TBC1D1: variants seen among roughly 807,000 people sequenced by gnomAD.
TBC1D1 encodes the protein TBC1 (tre-2/USP6, BUB2, cdc16) domain family, member 1.
TBC1D1 carries 89 observed loss-of-function variants against 125.6 expected under a neutral mutation model. The ratio of observed to expected loss-of-function variants is 0.71; its 90% CI spans 0.60 to 0.85. The LOEUF is 0.85. Among genes scored for constraint, TBC1D1 ranks in the 40% least tolerant of loss-of-function variants. The pLI, the probability that TBC1D1 is intolerant of heterozygous loss-of-function variation, is 0.00. For missense variants in TBC1D1, 1,377 were observed against 1,469.2 expected (o/e 0.94, Z 1.03); for synonymous variants, 565 against 564.1 (o/e 1.00, Z -0.02).
intron 2 of TBC1D1, among the ~76,000 whole-genome samples, chr4:37,922,805 T>G (rs1164235754): frequency 1.3e-5 from 2 of 152,106 alleles, no homozygotes. Context: ...CCTCAATGAT[T>G]GGTTTGGGGG....
chr4:37,971,305 G>A (rs1731967561), intron 2 of TBC1D1, among the ~76,000 whole-genome samples: 1 of 152,156 alleles, frequency 6.6e-6, no homozygotes, highest in South Asian at 2.1e-4. Flanking sequence ...AATTATAAAG[G>A]AAAGCGGTTT....
intron 18 of TBC1D1, among the ~76,000 whole-genome samples, chr4:38,131,608 G>A (rs538107263): frequency 6.6e-6 from 1 of 152,306 alleles, no homozygotes; most frequent in East Asian, 1.9e-4. Flanking sequence ...TGCCCCAGGT[G>A]GGAGGCCAGG....
At position 38,063,121 on chromosome 4, in the gene TBC1D1, T is replaced by C. The variant is rs370410879; in HGVS notation, c.2050+8783T>C. Among the ~76,000 whole-genome samples the C allele has an allele frequency of 1.9e-3, 295 of 152,296 alleles. 14 individuals are homozygous for C. In the South Asian group the frequency reaches 0.055, roughly 28 times the overall value. ...AATTTTAACCTATACCAGGGAGCCA[T>C]TGAAGAGTTTAAAGCAAGTGAATGA... On this transcript the variant is annotated intron_variant, in intron 12 of 19. Transcript: ENST00000261439.
intron 2 of TBC1D1, among the ~76,000 whole-genome samples, chr4:37,948,803 C>T (rs1727261764): frequency 6.6e-6 from 1 of 152,134 alleles, no homozygotes; most frequent in South Asian, 2.1e-4. Flanking sequence ...CAGCCGTAAC[C>T]ACAGATCTAC....
intron 18 of TBC1D1, among the ~76,000 whole-genome samples, chr4:38,132,345 A>G (rs1206605175): frequency 6.6e-6 from 1 of 152,256 alleles, no homozygotes; most frequent in Non-Finnish European, 1.5e-5. Flanking sequence ...CAGCAGCAGC[A>G]GCAGCTGTCT....
At chr4:37,901,033 C>T (rs927649751) in intron 1 of TBC1D1, among the ~76,000 whole-genome samples, 5 of 149,720 alleles carry the variant, frequency 3.3e-5, no homozygotes, top group Non-Finnish European at 1.5e-5. Context: ...GATCGTGCCA[C>T]TGCACTCCAG....
intron 6 of TBC1D1, 122 bp downstream of exon 6, chr4:38,021,840 T>A (rs1030381699): frequency 2.6e-6 from 3 of 1,142,752 alleles, no homozygotes; most frequent in African/African-American, 1.6e-5. Context: ...TCACAGGGAT[T>A]GTAGGTGGAC....
chr4:38,092,790 G>A (rs79362586), intron 13 of TBC1D1, among the ~76,000 whole-genome samples: 2,038 of 151,846 alleles, frequency 0.013, 45 homozygotes, highest in African/African-American at 0.046. Context: ...CCACTTCAGG[G>A]TCTCAGGGGG....
intron 2 of TBC1D1, among the ~76,000 whole-genome samples, chr4:37,978,196 C>T (rs538682130): frequency 6.6e-5 from 10 of 152,232 alleles, no homozygotes; most frequent in African/African-American, 2.2e-4. Context: ...GTGTAGATTT[C>T]CCGAGTTCCC....
At chr4:38,017,143 G>C (rs569170028) in intron 3 of TBC1D1, among the ~76,000 whole-genome samples, 1 of 152,158 alleles carries the variant, frequency 6.6e-6, no homozygotes, top group African/African-American at 2.4e-5. Flanking sequence ...AAGTAATAAT[G>C]CCTTGGAGCC....
In TBC1D1 at chr4:37,931,212, C is replaced by T. The variant is rs79326125; in HGVS notation, c.417+28700C>T. ...CTGCCTCCCAGGTTCAAGTGATTCT[C>T]CTGCCTCACCCTCCCAAGGAACTGC... is the stretch of plus-strand genomic sequence containing the variant. On this transcript the variant is annotated intron_variant, in intron 2 of 19. Coordinates refer to ENST00000261439, the MANE Select transcript of TBC1D1 (RefSeq NM_015173.4). Among the ~76,000 whole-genome samples, 3,835 of 152,196 alleles carry T rather than the reference C, an allele frequency of 0.025. 448 individuals are homozygous for T. The East Asian group carries it at 0.35, about 14-fold the overall frequency.
At chr4:38,051,361 G>C (rs115135835) in intron 11 of TBC1D1, among the ~76,000 whole-genome samples, 1 of 152,132 alleles carries the variant, frequency 6.6e-6, no homozygotes, top group Non-Finnish European at 1.5e-5. Context: ...TTCAGGGCAG[G>C]ATATTGTTCA....
intron 2 of TBC1D1, among the ~76,000 whole-genome samples, chr4:37,948,985 T>C (rs1341086739): frequency 6.6e-6 from 1 of 152,264 alleles, no homozygotes; most frequent in Non-Finnish European, 1.5e-5. Context: ...TACTCTATTG[T>C]ATGGATATAC....
intron 2 of TBC1D1, among the ~76,000 whole-genome samples, chr4:37,983,334 C>T (rs1046633069): frequency 7.2e-5 from 11 of 151,846 alleles, no homozygotes; most frequent in African/African-American, 2.2e-4. Flanking sequence ...AGGATGGTCT[C>T]GATCTCCTGA....
chr4:37,938,727 C>T (rs1724916210), intron 2 of TBC1D1, among the ~76,000 whole-genome samples: 1 of 152,060 alleles, frequency 6.6e-6, no homozygotes. Context: ...TTCCTGTGTC[C>T]AAGTGTTCTC....
chr4:38,096,194 C>A, intron 14 of TBC1D1, 104 bp downstream of exon 16: 1 of 894,218 alleles, frequency 1.1e-6, no homozygotes, highest in Non-Finnish European at 1.7e-6. Flanking sequence ...TGGCCATCTC[C>A]CTTCTTTTCA....
At chr4:38,020,074 ATTG>A (rs1237392139) in intron 4 of TBC1D1, among the ~76,000 whole-genome samples, 3 of 133,798 alleles carry the variant, frequency 2.2e-5, no homozygotes, top group Non-Finnish European at 5.0e-5. Flanking sequence ...TATTTTTCTT[ATTG>A]TTGTGGGAGT....
chr4:38,017,130 G>A (rs2152430868), intron 3 of TBC1D1, among the ~76,000 whole-genome samples: 1 of 152,296 alleles, frequency 6.6e-6, no homozygotes, highest in South Asian at 2.1e-4. Flanking sequence ...CCCAGCCATA[G>A]CTAAGTAATA....
chr4:38,088,842 C>T (rs888368743), intron 12 of TBC1D1, among the ~76,000 whole-genome samples: 4 of 152,056 alleles, frequency 2.6e-5, no homozygotes, highest in Admixed American at 6.5e-5. Context: ...GATTAGAATC[C>T]CAGCAGCCTG....
Sources: allele counts gnomAD v4.1 joint callset (sites outside exome capture counted in the v4.1 genomes callset), GRCh38; gene constraint gnomAD v4.1.1; transcripts MANE v1.5; gene names NCBI Gene and HGNC (gene_info 2026-07-23, HGNC 2026-07-21).